The following TLR5 variants were observed in gnomAD, a reference collection of about 807,000 sequenced individuals.
The protein encoded by TLR5 is toll like receptor 5, also known as toll-like receptor 5.
For missense variants in TLR5, 944 were observed against 999.8 expected, an observed-to-expected ratio of 0.94 and a Z score of 0.75; for synonymous variants, 373 against 384.4, an observed-to-expected ratio of 0.97 and a Z score of 0.35.
At chr1:223,130,222 C>G (rs1237652359) in intron 5 of TLR5, among the ~76,000 whole-genome samples, 1 of 152,182 alleles carries the variant, frequency 6.6e-6, no homozygotes, top group African/African-American at 2.4e-5. Context: ...GAGCTGCAGA[C>G]CACCTACTAA....
chr1:223,119,856 A>C (rs1656857097), intron 5 of TLR5, among the ~76,000 whole-genome samples: 1 of 150,724 alleles, frequency 6.6e-6, no homozygotes, highest in Non-Finnish European at 1.5e-5. Flanking sequence ...AGGTTGAAGC[A>C]TGAGAATCAC....
At chr1:223,139,515 G>C (rs531153686) in intron 2 of TLR5, among the ~76,000 whole-genome samples, 1 of 152,338 alleles carries the variant, frequency 6.6e-6, no homozygotes, top group East Asian at 1.9e-4. Flanking sequence ...GAGTATTAAT[G>C]ATCAGGAATT....
At chr1:223,135,444 CTAG>C (rs1369137739) in intron 3 of TLR5, among the ~76,000 whole-genome samples, 1 of 152,126 alleles carries the variant, frequency 6.6e-6, no homozygotes, top group Non-Finnish European at 1.5e-5. Flanking sequence ...CTCCAACTTG[CTAG>C]TGGTGGTTAC....
At position 223,111,725 on chromosome 1, in the gene TLR5, T is replaced by C. The variant is rs1656350910; in HGVS notation, c.1307A>G (p.Glu436Gly). 6.2e-7 allele frequency: 1 copy of C among 1,614,196 alleles called. No homozygotes were observed. The highest frequency in any genetic ancestry group is 1.7e-5 in the Admixed American group (1 of 60,024). ...GAGAAAGTAGAGAATATCTAGATTT[T>C]CTAGCCTGTTTTCTGATAAGTGGAT... is the stretch of plus-strand genomic sequence containing the variant. ...NLIHLSENRL[E>G]NLDILYFLLR... The change falls in exon 6 of 6, where the codon GAA becomes GGA. Residue 436 changes from glutamate (E) to glycine (G), a missense_variant. Physicochemically the swap from Glu to Gly is moderately conservative, Grantham distance 98. Coordinates refer to ENST00000642603, the MANE Select transcript of TLR5 (RefSeq NM_003268.6).
rs562869567 is a variant in TLR5, at chr1:223,110,165, T to A, written c.*290A>T. 6.9e-6 allele frequency: 3 copies of A among 433,040 alleles called. No homozygotes were observed. The highest frequency in any genetic ancestry group is 4.7e-5 in the East Asian group (1 of 21,484). The allele number at this position is 433,040 out of a possible 1,614,324, so 26.8% of individuals were successfully genotyped here. A position where few individuals can be genotyped will look rare whatever the true frequency, so the allele number is the denominator to read the frequency against. ...GTGCCCTTCCCATGATTAGGATACA[T>A]TCCATAATCAACACAGCAGGACAGA... On this transcript the variant is annotated 3_prime_UTR_variant, in exon 6 of 6. Transcript: ENST00000642603.
intron 5 of TLR5, among the ~76,000 whole-genome samples, chr1:223,117,087 C>CCCGA (rs1483828923): frequency 3.3e-5 from 5 of 152,136 alleles, no homozygotes; most frequent in Admixed American, 6.5e-5. Flanking sequence ...GGCTGCAGGT[C>CCCGA]CCGAGCCCTG....
intron 5 of TLR5, among the ~76,000 whole-genome samples, chr1:223,130,514 G>A (rs1657357280): frequency 6.6e-6 from 1 of 152,178 alleles, no homozygotes; most frequent in South Asian, 2.1e-4. Flanking sequence ...AGTTCTCTGG[G>A]TTCCTTGGAT....
At chr1:223,130,211 A>G (rs1190654695) in intron 5 of TLR5, among the ~76,000 whole-genome samples, 1 of 152,222 alleles carries the variant, frequency 6.6e-6, no homozygotes, top group Non-Finnish European at 1.5e-5. Flanking sequence ...ACCGTTCCAC[A>G]GAGCTGCAGA....
chr1:223,140,102 A>G (rs189081359), intron 2 of TLR5, among the ~76,000 whole-genome samples: 34 of 152,230 alleles, frequency 2.2e-4, no homozygotes, highest in African/African-American at 7.7e-4. Flanking sequence ...AAACCCTCCA[A>G]CTCTGCTCAA....
chr1:223,110,995 G>A lies in TLR5; in HGVS notation c.2037C>T (p.Phe679=). Residue 679 remains phenylalanine (F), a synonymous_variant, in exon 6 of 6, where the codon TTC becomes TTT. Coordinates refer to ENST00000642603, the MANE Select transcript of TLR5 (RefSeq NM_003268.6). ...ICYKTAQRLV[F]KDHPQGTEPD... ...GTTCTGTGCCCTGGGGATGGTCCTT[G>A]AACACCAGTCTCTGGGCTGTCTTAT... The A allele has an allele frequency of 1.9e-6, 3 of 1,614,248 alleles. No individual in the cohort carries two copies. Among genetic ancestry groups the A allele is most frequent in the Non-Finnish European group, 2.5e-6 (3 of 1,180,056 alleles).
intron 3 of TLR5, among the ~76,000 whole-genome samples, chr1:223,135,927 C>T (rs1253617755): frequency 6.6e-6 from 1 of 152,072 alleles, no homozygotes; most frequent in African/African-American, 2.4e-5. Flanking sequence ...TTTTTTCCCC[C>T]TCTCCTTGTA....
intron 4 of TLR5, among the ~76,000 whole-genome samples, chr1:223,133,247 G>T (rs1657464368): frequency 6.6e-6 from 1 of 152,210 alleles, no homozygotes; most frequent in Non-Finnish European, 1.5e-5. Flanking sequence ...ACTTGTCTAA[G>T]ATCTCACATT....
At position 223,110,898 on chromosome 1, in the gene TLR5, G is replaced by A. The variant is rs1216311174; in HGVS notation, c.2134C>T (p.Leu712Phe). 2 of 1,614,228 alleles carry A rather than the reference G, an allele frequency of 1.2e-6. No individual in the cohort carries two copies. Among genetic ancestry groups the A allele is most frequent in the Admixed American group, 1.7e-5 (1 of 60,028 alleles). The part of the protein sequence containing the change: ...KDFTWVQNAL[L>F]KHLDTQYSDQ... The stretch of plus-strand genomic sequence containing the variant: ...CTGTATTGAGTGTCCAGGTGTTTGA[G>A]CAAAGCATTCTGCACCCATGTGAAG... Residue 712 changes from leucine to phenylalanine, a missense_variant, in exon 6 of 6, where the codon CTC (leucine) becomes TTC (phenylalanine). Coordinates refer to ENST00000642603, the MANE Select transcript of TLR5 (RefSeq NM_003268.6).
intron 1 of TLR5, among the ~76,000 whole-genome samples, chr1:223,142,558 T>C (rs1657923225): frequency 6.6e-6 from 1 of 152,140 alleles, no homozygotes; most frequent in Non-Finnish European, 1.5e-5. Context: ...CCTTAGGAAA[T>C]GGCTTTCCAA....
intron 5 of TLR5, chr1:223,128,818 C>T (rs551750074): frequency 6.6e-6 from 1 of 152,162 alleles, no homozygotes; most frequent in African/African-American, 2.4e-5. Context: ...GATGGCCTGT[C>T]GAGTCTTCAT....
At chr1:223,130,536 A>G (rs1278190023) in intron 5 of TLR5, among the ~76,000 whole-genome samples, 1 of 152,162 alleles carries the variant, frequency 6.6e-6, no homozygotes, top group Non-Finnish European at 1.5e-5. Context: ...GGCCGGTCTG[A>G]GAAGGACTTG....
intron 2 of TLR5, among the ~76,000 whole-genome samples, chr1:223,137,940 G>A (rs913267366): frequency 9.0e-6 from 1 of 111,716 alleles, no homozygotes; most frequent in African/African-American, 3.7e-5. Context: ...CCTCAGGTCT[G>A]GCTTTTTAAA....
At chr1:223,114,239 T>A (rs1571730582) in intron 5 of TLR5, among the ~76,000 whole-genome samples, 1 of 152,174 alleles carries the variant, frequency 6.6e-6, no homozygotes, top group African/African-American at 2.4e-5. Context: ...TGGTGCTCAA[T>A]GAACGTGTCT....
intron 2 of TLR5, among the ~76,000 whole-genome samples, chr1:223,138,021 C>T (rs948535368): frequency 6.0e-5 from 7 of 117,456 alleles, no homozygotes; most frequent in African/African-American, 1.7e-4. Flanking sequence ...TGAAGTGGTG[C>T]GATCAGAGCT....
Sources: allele counts gnomAD v4.1 joint callset (sites outside exome capture counted in the v4.1 genomes callset), GRCh38; gene constraint gnomAD v4.1.1; transcripts MANE v1.5; gene names NCBI Gene and HGNC (gene_info 2026-07-23, HGNC 2026-07-21).